Variants in ZNF878 observed in about 807,000 individuals in gnomAD.
The protein encoded by ZNF878 is zinc finger protein 878.
In ZNF878, 10 loss-of-function variants were observed where a neutral mutation model predicts 11.1. That is an observed-to-expected ratio of 0.90 (90% CI 0.56 to 1.53). ZNF878 has a LOEUF of 1.53. Among genes scored for constraint, ZNF878 ranks in the 40% most tolerant of loss-of-function variants. The probability of loss-of-function intolerance (pLI) is 0.00; values close to 1 mark genes in which losing one functional copy is unlikely to be tolerated. For synonymous variants in ZNF878, 165 were observed against 209.7 expected (o/e 0.79, Z 1.84); for missense variants, 548 against 626.1 (o/e 0.88, Z 1.33).
At chr19:12,051,115 A>G (rs920783419) in intron 1 of ZNF878, among the ~76,000 whole-genome samples, 6 of 109,776 alleles carry the variant, frequency 5.5e-5, no homozygotes, top group Non-Finnish European at 8.0e-5. Flanking sequence ...AAAAAAAAAA[A>G]AAAGAAAAGA....
chr19:12,049,732 T>C (rs1402335593), intron 1 of ZNF878, among the ~76,000 whole-genome samples: 1 of 150,932 alleles, frequency 6.6e-6, no homozygotes, highest in Non-Finnish European at 1.5e-5. Context: ...CTCACGCCAT[T>C]GTACTCCAGC....
chr19:12,052,269 A>G (rs1000999203), intron 1 of ZNF878, among the ~76,000 whole-genome samples: 1 of 152,184 alleles, frequency 6.6e-6, no homozygotes, highest in Admixed American at 6.5e-5. Context: ...GGTCTCTCCT[A>G]TTCGGCTCAG....
Position 12,052,891 on chromosome 19 carries a change from G to T in ZNF878, c.-90C>A, listed in dbSNP as rs1434251846. 1.3e-6 allele frequency: 2 copies of T among 1,513,586 alleles called. No individual in the cohort carries two copies. The highest frequency in any genetic ancestry group is 2.5e-5 in the East Asian group (1 of 40,762). The allele number at this position is 1,513,586 out of a possible 1,614,324, so 93.8% of individuals were successfully genotyped here. On this transcript the variant is annotated 5_prime_UTR_variant, in exon 1 of 4. Coordinates refer to ENST00000547628, the MANE Select transcript of ZNF878 (RefSeq NM_001080404.3). ...CAGTCGACAGAGCAACAGCAGCTAC[G>T]GCGGAAGTAACTGGTCCCTCTCGGA...
rs762388908 is a variant in ZNF878, at chr19:12,044,906, G to C, written c.495C>G (p.His165Gln). The C allele has an allele frequency of 6.2e-7, 1 of 1,614,016 alleles. No individual in the cohort carries two copies. The highest frequency in any genetic ancestry group is 1.3e-5 in the African/African-American group (1 of 74,916). The change falls in exon 4 of 4, where the codon CAC becomes CAG. Residue 165 changes from histidine (H) to glutamine (Q), a missense_variant. Physicochemically the swap from His to Gln is conservative, Grantham distance 24. Transcript: ENST00000547628. ...PSSVRRHERI[H>Q]SAKKPYECKQ... ...TACATTCATAGGGTTTTTTTGCAGA[G>C]TGGATTCTTTCATGTCTACGAACAG... is the stretch of plus-strand genomic sequence containing the variant.
Position 12,044,322 on chromosome 19 carries a change from G to A in ZNF878, c.1079C>T (p.Thr360Ile), listed in dbSNP as rs1204193171. ...TTCAAAGGGTTTCTCTCCAGTGTGT[G>A]TCCTTTCATGTATTCGAAGATCCTT... is the stretch of plus-strand genomic sequence containing the variant. ...FVKDLRIHER[T>I]HTGEKPFECK... The change falls in exon 4 of 4, where the codon ACA (threonine) becomes ATA (isoleucine). Residue 360 changes from threonine (T) to isoleucine (I), a missense_variant. By Grantham distance (89) the Thr-to-Ile change is moderately conservative (BLOSUM62 -1). Transcript: ENST00000547628. 4.3e-6 allele frequency: 7 copies of A among 1,612,026 alleles called. No individual in the cohort carries two copies. Among genetic ancestry groups the A allele is most frequent in the Middle Eastern group, 1.6e-4 (1 of 6,070 alleles).
intron 1 of ZNF878, among the ~76,000 whole-genome samples, chr19:12,051,568 T>C (rs1975552352): frequency 1.3e-5 from 2 of 150,992 alleles, no homozygotes; most frequent in African/African-American, 4.9e-5. Context: ...GGTCAGGAGT[T>C]CGAGACCAGC....
Position 12,046,358 on chromosome 19 carries a change from T to C in ZNF878, c.191+10A>G, listed in dbSNP as rs1460510982. ...CAGAGACATTGTTTTCTCTTTTAAG[T>C]GCCAGTTACCTTAGGTTTCTCCTAG... On this transcript the variant is annotated intron_variant, in intron 3 of 3. Transcript: ENST00000547628. 6.4e-7 allele frequency: 1 copy of C among 1,550,734 alleles called. No individual in the cohort carries two copies. Among genetic ancestry groups the C allele is most frequent in the East Asian group, 2.3e-5 (1 of 42,790 alleles).
At chr19:12,048,887 G>C (rs368251774) in intron 1 of ZNF878, among the ~76,000 whole-genome samples, 3 of 150,410 alleles carry the variant, frequency 2.0e-5, no homozygotes, top group Admixed American at 1.3e-4. Context: ...GGCTGGGCGC[G>C]GTGCCTCAGC....
In ZNF878 at chr19:12,044,613, G is replaced by C; in HGVS notation, c.788C>G (p.Ala263Gly). The change falls in exon 4 of 4, where the codon GCC becomes GGC. Residue 263 changes from alanine to glycine, a missense_variant. Physicochemically the swap from Ala to Gly is moderately conservative, Grantham distance 60. Around this residue, in one of 3 missense-constraint regions of ZNF878, gnomAD observed 335 missense variants for 358.2 expected, o/e 0.94. Coordinates refer to ENST00000547628, the MANE Select transcript of ZNF878 (RefSeq NM_001080404.3). ...TTGAAAGGAACTGGGACAATTGAAG[G>C]CTTTATCACATTGCTTGCATTTATA... ...KRYKCKQCDK[A>G]FNCPSSFQYH... is the part of the protein sequence containing the mutation. 6.2e-7 allele frequency: 1 copy of C among 1,613,976 alleles called. No individual in the cohort carries two copies. The highest frequency in any genetic ancestry group is 8.5e-7 in the Non-Finnish European group (1 of 1,179,992).
chr19:12,050,017 G>A (rs1409568258), intron 1 of ZNF878, among the ~76,000 whole-genome samples: 4 of 152,018 alleles, frequency 2.6e-5, no homozygotes, highest in Non-Finnish European at 5.9e-5. Context: ...CTGAGATCAG[G>A]AGTTTGAGAC....
chr19:12,052,928 C>A lies in ZNF878; in HGVS notation c.-127G>T, dbSNP rs879022212. The A allele has an allele frequency of 1.4e-6, 2 of 1,424,032 alleles. No homozygotes were observed. Among genetic ancestry groups the A allele is most frequent in the South Asian group, 1.3e-5 (1 of 77,976 alleles). The allele number at this position is 1,424,032 out of a possible 1,614,324, so 88.2% of individuals were successfully genotyped here. ...TGGTCCCTCTCGGAGCAAGAAAGCCCCAGACCTTAACTAGCGCGAGCAGCC... is the reference window on the plus strand; with the variant it reads ...TGGTCCCTCTCGGAGCAAGAAAGCCACAGACCTTAACTAGCGCGAGCAGCC... On this transcript the variant is annotated 5_prime_UTR_variant, in exon 1 of 4. Coordinates refer to ENST00000547628, the MANE Select transcript of ZNF878 (RefSeq NM_001080404.3).
chr19:12,046,420 AT>A lies in ZNF878; in HGVS notation c.138del (p.Lys46AsnfsTer18). 2.5e-6 allele frequency: 4 copies of A among 1,575,668 alleles called. No homozygotes were observed. Among genetic ancestry groups the A allele is most frequent in the South Asian group, 2.3e-5 (2 of 85,200 alleles). On this transcript the variant is annotated frameshift_variant, in exon 3 of 4. Transcript: ENST00000547628. LOFTEE classifies it high-confidence loss of function. ...TLRNLTSIGK[K>X]WNNQYIEDEH... The stretch of plus-strand genomic sequence containing the variant: ...TCATCTTCAATGTACTGGTTGTTCC[AT>A]TTTTTTCCTAAAATGCGGACCCAGA...
rs1234352582 is a variant in ZNF878, at chr19:12,043,888, TCTCTCCAGTATGAATC to T, written c.1497_1512del (p.Ile500AsnfsTer22). 1.2e-6 allele frequency: 2 copies of T among 1,614,126 alleles called. No homozygotes were observed. Among genetic ancestry groups the T allele is most frequent in the Non-Finnish European group, 1.7e-6 (2 of 1,180,006 alleles). On this transcript the variant is annotated frameshift_variant, in exon 4 of 4. Coordinates refer to ENST00000547628, the MANE Select transcript of ZNF878 (RefSeq NM_001080404.3). LOFTEE classifies it low-confidence loss of function (END_TRUNC). ...CCACATTGCTTACACTCATAGGGTT[TCTCTCCAGTATGAATC>T]CTTTCATGGTAGAGAAAAGAGTTGG...
At position 12,044,809 on chromosome 19, in the gene ZNF878, GT is replaced by G. The variant is rs764978298; in HGVS notation, c.591del (p.Lys197AsnfsTer16). On this transcript the variant is annotated frameshift_variant, in exon 4 of 4. Transcript: ENST00000547628. LOFTEE classifies it low-confidence loss of function (END_TRUNC). The stretch of plus-strand genomic sequence containing the variant: ...TTCCCACACTGCTTACATTCATAGG[GT>G]TTTTTTGCAGAGTGGATTCTTTCAT... ...RRHERIHSAK[K>X]PYECKQCGKA... 6.2e-7 allele frequency: 1 copy of G among 1,614,042 alleles called. No individual in the cohort carries two copies. Among genetic ancestry groups the G allele is most frequent in the Non-Finnish European group, 8.5e-7 (1 of 1,180,050 alleles).
Position 12,045,291 on chromosome 19 carries a change from G to C in ZNF878, c.192-82C>G, listed in dbSNP as rs142784184. On this transcript the variant is annotated intron_variant, in intron 3 of 3. Coordinates refer to ENST00000547628, the MANE Select transcript of ZNF878 (RefSeq NM_001080404.3). Reference sequence around the variant, plus strand: ...AAGTATTACACTTGCATTTTTAACAGTGCCCAGCAAAGTGTAGGCTTTCTG... The same window carrying C: ...AAGTATTACACTTGCATTTTTAACACTGCCCAGCAAAGTGTAGGCTTTCTG... 2.2e-4 allele frequency: 255 copies of C among 1,155,958 alleles called. No individual in the cohort carries two copies. The African/African-American group carries it at 3.5e-3, about 16-fold the overall frequency. The allele number at this position is 1,155,958 out of a possible 1,614,324, so 71.6% of individuals were successfully genotyped here. A position where few individuals can be genotyped will look rare whatever the true frequency, so the allele number is the denominator to read the frequency against.
At chr19:12,046,233 T>G (rs1975485590) in intron 3 of ZNF878, 135 bp downstream of exon 3, 1 of 675,776 alleles carries the variant, frequency 1.5e-6, no homozygotes, top group Admixed American at 3.1e-5. Context: ...ACACTTTATA[T>G]GTTTCTAGGG....
intron 1 of ZNF878, among the ~76,000 whole-genome samples, chr19:12,048,547 T>G (rs1195975131): frequency 6.9e-6 from 1 of 144,736 alleles, no homozygotes; most frequent in Non-Finnish European, 1.5e-5. Context: ...AGAAAAAATA[T>G]GGCAGGCCTG....
At chr19:12,049,320 G>T (rs1400688031) in intron 1 of ZNF878, among the ~76,000 whole-genome samples, 2 of 150,464 alleles carry the variant, frequency 1.3e-5, no homozygotes, top group African/African-American at 4.9e-5. Flanking sequence ...AATTAGCCAG[G>T]TGTGGTGGCA....
intron 1 of ZNF878, among the ~76,000 whole-genome samples, chr19:12,049,585 C>A (rs1285447369): frequency 2.1e-5 from 3 of 141,422 alleles, no homozygotes; most frequent in East Asian, 2.1e-4. Context: ...GCTTGGCCAA[C>A]CTAGTGAAAC....
Sources: gnomAD v4.1 joint callset for allele counts (sites outside exome capture counted in the v4.1 genomes callset) on GRCh38, gnomAD v4.1.1 for gene constraint, gnomAD v4.1.1 regional missense constraint, MANE v1.5 for transcripts, NCBI Gene and HGNC (gene_info 2026-07-23, HGNC 2026-07-21) for gene names.